Variants in N4BP2L2 observed in about 807,000 individuals in gnomAD.
N4BP2L2 encodes the protein NEDD4 binding protein 2 like 2, also known as NEDD4-binding protein 2-like 2.
N4BP2L2 carries 50 observed loss-of-function variants against 56.2 expected under a neutral mutation model. The observed-to-expected ratio is 0.89, with a 90% CI of 0.71 to 1.13. The LOEUF (loss-of-function observed/expected upper bound fraction) is 1.13. Ranked by LOEUF, N4BP2L2 falls within the 50% of genes most tolerant of loss-of-function variation. The probability of loss-of-function intolerance (pLI) is 0.00; values close to 1 mark genes in which losing one functional copy is unlikely to be tolerated. For synonymous variants in N4BP2L2, 203 were observed against 223.6 expected (o/e 0.91, Z 0.82); for missense variants, 689 against 693.8 (o/e 0.99, Z 0.08).
intron 2 of N4BP2L2, among the ~76,000 whole-genome samples, chr13:32,531,829 T>G (rs2054881772): frequency 6.6e-6 from 1 of 152,226 alleles, no homozygotes; most frequent in Admixed American, 6.5e-5. Flanking sequence ...TCAGTTTCAC[T>G]GAGCTAAAAA....
At chr13:32,440,838 C>CA (rs1239950705) in intron 7 of N4BP2L2, among the ~76,000 whole-genome samples, 2 of 147,320 alleles carry the variant, frequency 1.4e-5, no homozygotes, top group Non-Finnish European at 3.0e-5. Flanking sequence ...TTTTCATTTC[C>CA]AAAAATAACA....
downstream of N4BP2L2, chr13:32,506,212 T>C (rs1311584930): frequency 6.6e-6 from 1 of 152,238 alleles, no homozygotes; most frequent in Non-Finnish European, 1.5e-5. Context: ...TACCTTTCTG[T>C]GTGTCTGTGT....
intron 6 of N4BP2L2, among the ~76,000 whole-genome samples, chr13:32,485,791 G>T (rs553404596): frequency 6.6e-6 from 1 of 152,286 alleles, no homozygotes; most frequent in East Asian, 1.9e-4. Flanking sequence ...ACTAAGAGCT[G>T]GGCATGGTGG....
chr13:32,434,891 G>C (rs2075299947), intron 9 of N4BP2L2, among the ~76,000 whole-genome samples: 1 of 152,200 alleles, frequency 6.6e-6, no homozygotes, highest in Non-Finnish European at 1.5e-5. Context: ...ATACATGTGG[G>C]AGATCATCAT....
At chr13:32,522,076 C>T (rs968796559) in intron 4 of N4BP2L2, 106 bp downstream of exon 4, 7 of 731,306 alleles carry the variant, frequency 9.6e-6, no homozygotes, top group African/African-American at 9.3e-5. Context: ...CTTTAGAAAA[C>T]AAAGGACAAA....
At chr13:32,502,695 G>A (rs553064835) in intron 6 of N4BP2L2, among the ~76,000 whole-genome samples, 1 of 152,128 alleles carries the variant, frequency 6.6e-6, no homozygotes, top group Non-Finnish European at 1.5e-5. Context: ...ACTCTGTGTT[G>A]TACTAAATTA....
chr13:32,538,642 C>A lies in N4BP2L2; in HGVS notation c.-25G>T, dbSNP rs2057242273. 5 of 985,414 alleles carry A rather than the reference C, an allele frequency of 5.1e-6. No homozygotes were observed. Among genetic ancestry groups the A allele is most frequent in the African/African-American group, 1.7e-5 (1 of 57,246 alleles). 61.0% of individuals were successfully genotyped at this position (985,414 alleles called of 1,614,324 possible). A position where few individuals can be genotyped will look rare whatever the true frequency, so the allele number is the denominator to read the frequency against. On this transcript the variant is annotated 5_prime_UTR_variant, in exon 1 of 6. The change creates a new upstream start codon in the 5' untranslated region. Transcript: ENST00000267068. ...CCTTACTCTACCCCTACGCATTGAC[C>A]TTTACCTCCCAATAAAACCTTCTTT...
At chr13:32,516,114 A>C (rs1395489400) in exon 6 of N4BP2L2, 1 of 152,238 alleles carries the variant, frequency 6.6e-6, no homozygotes, top group African/African-American at 2.4e-5. Context: ...TAGTCTACCT[A>C]AGAGTTGTTT....
chr13:32,471,577 G>A (rs73447335), intron 6 of N4BP2L2, among the ~76,000 whole-genome samples: 2 of 152,240 alleles, frequency 1.3e-5, no homozygotes, highest in African/African-American at 4.8e-5. Flanking sequence ...GCCAAGGCTC[G>A]GCTCGTCTTG....
In N4BP2L2 at chr13:32,436,872, T is replaced by C. The variant is rs868235314; in HGVS notation, c.2191-467A>G. Among the ~76,000 whole-genome samples the C allele has an allele frequency of 8.9e-3, 1,322 of 148,386 alleles. 28 individuals carry two copies. The highest frequency in any genetic ancestry group is 0.031 in the African/African-American group (1,273 of 40,430). On this transcript the variant is annotated intron_variant, in intron 8 of 9. Coordinates refer to the N4BP2L2 transcript ENST00000357505. The stretch of plus-strand genomic sequence containing the variant: ...AAATATCTAATATCTATCTATTTAT[T>C]TATTTATTTATTTATTTATTTATTT...
chr13:32,527,777 CTCTT>C (rs2053485257), intron 2 of N4BP2L2, among the ~76,000 whole-genome samples: 1 of 137,044 alleles, frequency 7.3e-6, no homozygotes, highest in African/African-American at 2.7e-5. Flanking sequence ...CTAACAGAAA[CTCTT>C]TTTTTTTTTT....
At chr13:32,491,630 TA>T (rs2087101159) in intron 6 of N4BP2L2, among the ~76,000 whole-genome samples, 2 of 111,972 alleles carry the variant, frequency 1.8e-5, no homozygotes, top group East Asian at 2.4e-4. Context: ...TATATATATA[TA>T]TATATTTTTT....
intron 8 of N4BP2L2, among the ~76,000 whole-genome samples, chr13:32,438,462 G>A (rs2075772862): frequency 6.6e-6 from 1 of 152,180 alleles, no homozygotes; most frequent in Non-Finnish European, 1.5e-5. Context: ...GGCCAGGTGT[G>A]GTGGCACATG....
chr13:32,480,217 T>C (rs1268473705), intron 6 of N4BP2L2, among the ~76,000 whole-genome samples: 9 of 152,188 alleles, frequency 5.9e-5, no homozygotes, highest in African/African-American at 2.2e-4. Context: ...GTGGAATAAT[T>C]TCAGTGTAAT....
At chr13:32,487,503 A>G (rs1403683537) in intron 6 of N4BP2L2, among the ~76,000 whole-genome samples, 1 of 151,490 alleles carries the variant, frequency 6.6e-6, no homozygotes, top group East Asian at 2.0e-4. Flanking sequence ...AAAAGAAAAA[A>G]AAGTAGAAGA....
At chr13:32,442,562 A>C (rs754640051) in exon 7 of N4BP2L2, 2 of 1,613,954 alleles carry the variant, frequency 1.2e-6, no homozygotes, top group Non-Finnish European at 1.7e-6. Context: ...TCATTTAAAA[A>C]GTGAAAATCA....
chr13:32,522,994 T>A (rs780383421), intron 3 of N4BP2L2: 2 of 152,236 alleles, frequency 1.3e-5, no homozygotes, highest in Non-Finnish European at 2.9e-5. Context: ...TTGTGGATAT[T>A]TCTTAGAACT....
intron 6 of N4BP2L2, among the ~76,000 whole-genome samples, chr13:32,479,217 T>C (rs1306743824): frequency 3.3e-5 from 5 of 152,080 alleles, no homozygotes; most frequent in Admixed American, 3.3e-4. Flanking sequence ...AAGATAAATA[T>C]GTGAAGGAAA....
chr13:32,520,295 T>C (rs576389085), intron 5 of N4BP2L2, among the ~76,000 whole-genome samples: 28 of 151,304 alleles, frequency 1.9e-4, no homozygotes, highest in Non-Finnish European at 3.2e-4. Context: ...GTGAATTTTA[T>C]CGCAATAAAG....
Sources: allele counts gnomAD v4.1 joint callset (sites outside exome capture counted in the v4.1 genomes callset), GRCh38; gene constraint gnomAD v4.1.1; transcripts MANE v1.5; gene names NCBI Gene and HGNC (gene_info 2026-07-23, HGNC 2026-07-21).